Variants in SPTBN1 observed in about 807,000 individuals in gnomAD.
SPTBN1 encodes the protein spectrin beta chain, non-erythrocytic 1.
Under a neutral mutation model 266.4 loss-of-function variants are expected in SPTBN1, and 32 were observed. The ratio of observed to expected loss-of-function variants is 0.12; its 90% CI spans 0.09 to 0.16. SPTBN1 has a LOEUF of 0.16. Ranked by LOEUF, SPTBN1 falls within the 10% of genes least tolerant of loss-of-function variation. The pLI, the probability that SPTBN1 is intolerant of heterozygous loss-of-function variation, is 1.00. For missense variants in SPTBN1, 2,296 were observed against 3,067.1 expected, an observed-to-expected ratio of 0.75 and a Z score of 5.94; for synonymous variants, 1,336 against 1,162.2, an observed-to-expected ratio of 1.15 and a Z score of -3.04.
At chr2:54,659,681 A>G (rs1357147860) in intron 31 of SPTBN1, among the ~76,000 whole-genome samples, 1 of 152,164 alleles carries the variant, frequency 6.6e-6, no homozygotes, top group Non-Finnish European at 1.5e-5. Flanking sequence ...TTATTTTGCT[A>G]TGGTAAGAGT....
At chr2:54,457,254 A>C (rs1410475395) in intron 1 of SPTBN1, 1 of 143,226 alleles carries the variant, frequency 7.0e-6, no homozygotes, top group Non-Finnish European at 1.5e-5. Flanking sequence ...AGCTCCTGCC[A>C]CCCTCTCTTC....
At chr2:54,467,187 T>C (rs1479156534) in intron 1 of SPTBN1, among the ~76,000 whole-genome samples, 3 of 151,596 alleles carry the variant, frequency 2.0e-5, no homozygotes, top group East Asian at 3.9e-4. Context: ...TACATTTTTC[T>C]GGAATGTTCT....
At chr2:54,596,991 TCAC>T (rs1222516026) in intron 2 of SPTBN1, among the ~76,000 whole-genome samples, 1 of 152,238 alleles carries the variant, frequency 6.6e-6, no homozygotes, top group African/African-American at 2.4e-5. Flanking sequence ...AGTGAGAGAT[TCAC>T]CCAAAAGAGT....
Position 54,463,161 on chromosome 2 carries a change from TG to T in SPTBN1, c.-48+6645del, listed in dbSNP as rs1693454283. ...AACAAGGAGAGGAGAGATGGGAAAA[TG>T]GTTGTGAAGGCCCAATCCTATGCGA... is the stretch of plus-strand genomic sequence containing the variant. On this transcript the variant is annotated intron_variant, in intron 1 of 35. Coordinates refer to ENST00000356805, the MANE Select transcript of SPTBN1 (RefSeq NM_003128.3). Among the ~76,000 whole-genome samples the T allele has an allele frequency of 2.0e-5, 3 of 151,734 alleles. No homozygotes were observed. The South Asian group carries it at 6.2e-4, about 32-fold the overall frequency.
chr2:54,531,395 T>C (rs1426858902), intron 2 of SPTBN1, among the ~76,000 whole-genome samples: 1 of 152,150 alleles, frequency 6.6e-6, no homozygotes, highest in African/African-American at 2.4e-5. Context: ...GGAGATAGCA[T>C]CTCTAGTATA....
At chr2:54,483,109 A>G (rs1668182483) in intron 1 of SPTBN1, among the ~76,000 whole-genome samples, 1 of 152,192 alleles carries the variant, frequency 6.6e-6, no homozygotes, top group Non-Finnish European at 1.5e-5. Flanking sequence ...AAGGGAACCG[A>G]AGCCTGAGTA....
Position 54,669,483 on chromosome 2 carries a change from CTG to C in SPTBN1, c.*916_*917del, listed in dbSNP as rs1358242303. 1 of 152,618 alleles carries C rather than the reference CTG, an allele frequency of 6.6e-6. No homozygotes were observed. The highest frequency in any genetic ancestry group is 1.9e-4 in the East Asian group (1 of 5,200). 9.5% of individuals were successfully genotyped at this position (152,618 alleles called of 1,614,324 possible). A position where few individuals can be genotyped will look rare whatever the true frequency, so the allele number is the denominator to read the frequency against. On this transcript the variant is annotated 3_prime_UTR_variant, in exon 36 of 36. Coordinates refer to ENST00000356805, the MANE Select transcript of SPTBN1 (RefSeq NM_003128.3). ...ATACATAGTGTGCATTTCTCTGTCA[CTG>C]TAACTATTGTAATGACAAATTTTCA...
At position 54,590,157 on chromosome 2, in the gene SPTBN1, T is replaced by G. The variant is rs771819593; in HGVS notation, c.149-8935T>G. On this transcript the variant is annotated intron_variant, in intron 2 of 35. Coordinates refer to ENST00000356805, the MANE Select transcript of SPTBN1 (RefSeq NM_003128.3). ...AACAGAATTTGTCAAACATTTTAGT[T>G]TGGCTCTGGACCCATTTTAGTCTGA... 1.6e-3 allele frequency among the ~76,000 whole-genome samples: 237 copies of G among 152,362 alleles called. No homozygotes were observed. In the Middle Eastern group the frequency reaches 0.017, roughly 11 times the overall value.
In SPTBN1 at chr2:54,665,948, C is replaced by G; in HGVS notation, c.6693C>G (p.Asn2231Lys). The change falls in exon 34 of 36, where the codon AAC (asparagine) becomes AAG (lysine). Residue 2231 changes from asparagine to lysine, a missense_variant. Around this residue, in one of 12 missense-constraint regions of SPTBN1, gnomAD observed 347 missense variants for 368.5 expected, o/e 0.94. Transcript: ENST00000356805. Reference sequence around the variant, plus strand: ...ACAATGTTTATTGTGTCATAAATAACCAAGAAATGGGTTTCTACAAAGATG... The same window carrying G: ...ACAATGTTTATTGTGTCATAAATAAGCAAGAAATGGGTTTCTACAAAGATG... ...SWHNVYCVIN[N>K]QEMGFYKDAK... 1 of 1,613,946 alleles carries G rather than the reference C, an allele frequency of 6.2e-7. No individual in the cohort carries two copies. The highest frequency in any genetic ancestry group is 8.5e-7 in the Non-Finnish European group (1 of 1,179,966).
rs1055388946 is a variant in SPTBN1, at chr2:54,456,356, G to A, written c.-210G>A. 1.3e-5 allele frequency: 2 copies of A among 152,372 alleles called. No individual in the cohort carries two copies. Among genetic ancestry groups the A allele is most frequent in the Non-Finnish European group, 2.9e-5 (2 of 68,382 alleles). 9.4% of individuals were successfully genotyped at this position (152,372 alleles called of 1,614,324 possible). On this transcript the variant is annotated 5_prime_UTR_variant, in exon 1 of 36. Coordinates refer to ENST00000356805, the MANE Select transcript of SPTBN1 (RefSeq NM_003128.3). Reference sequence around the variant, plus strand: ...CCTCCCTCGGCCGCCTCTCCTCCCGGAGCGAGCGCGCAGCCCTGCGCAGCA... The same window carrying A: ...CCTCCCTCGGCCGCCTCTCCTCCCGAAGCGAGCGCGCAGCCCTGCGCAGCA...
chr2:54,610,703 A>G (rs1677153168), intron 3 of SPTBN1, among the ~76,000 whole-genome samples: 1 of 152,236 alleles, frequency 6.6e-6, no homozygotes, highest in Non-Finnish European at 1.5e-5. Flanking sequence ...GGCCACCACA[A>G]CTGTAGACCT....
chr2:54,558,350 T>G lies in SPTBN1; in HGVS notation c.148+31784T>G. The G allele has an allele frequency of 1.0e-6, 1 of 998,524 alleles. No individual in the cohort carries two copies. The highest frequency in any genetic ancestry group is 1.2e-6 in the Non-Finnish European group (1 of 838,400). The allele number at this position is 998,524 out of a possible 1,614,324, so 61.9% of individuals were successfully genotyped here. A position where few individuals can be genotyped will look rare whatever the true frequency, so the allele number is the denominator to read the frequency against. ...CGCCCAGCACACGGCGAGTGGCTCCTGATAAAATTACAAACCGGCGGCCGC... is the reference window on the plus strand; with the variant it reads ...CGCCCAGCACACGGCGAGTGGCTCCGGATAAAATTACAAACCGGCGGCCGC... On this transcript the variant is annotated intron_variant, in intron 2 of 35. Transcript: ENST00000356805. The surrounding 1 kb of genome is among the most constrained non-coding windows in gnomAD (Gnocchi z 4.6).
chr2:54,626,281 G>C lies in SPTBN1; in HGVS notation c.1644+47G>C, dbSNP rs1240744859. On this transcript the variant is annotated intron_variant, in intron 12 of 35. Coordinates refer to ENST00000356805, the MANE Select transcript of SPTBN1 (RefSeq NM_003128.3). This position sits in a 1 kb window ranked among gnomAD's most constrained non-coding sequence, Gnocchi z 4.7. ...GGACGACAGAGCTGATCCAACCAGG[G>C]CTCTCTTTTCTGTGACTCATTCACT... is the stretch of plus-strand genomic sequence containing the variant. 2 of 1,566,778 alleles carry C rather than the reference G, an allele frequency of 1.3e-6. No homozygotes were observed. Among genetic ancestry groups the C allele is most frequent in the Non-Finnish European group, 1.7e-6 (2 of 1,154,460 alleles).
intron 1 of SPTBN1, among the ~76,000 whole-genome samples, chr2:54,461,945 AG>A (rs1693388963): frequency 6.6e-6 from 1 of 152,026 alleles, no homozygotes; most frequent in East Asian, 1.9e-4. Context: ...AAAGTTTGTG[AG>A]GGTAATTTTC....
intron 4 of SPTBN1, among the ~76,000 whole-genome samples, chr2:54,613,168 T>C (rs1226298162): frequency 6.6e-6 from 1 of 152,318 alleles, no homozygotes; most frequent in East Asian, 1.9e-4. Flanking sequence ...ACTCATGCGT[T>C]CCAATTAAAA....
intron 1 of SPTBN1, among the ~76,000 whole-genome samples, chr2:54,522,658 A>AAGAAAG (rs1553439359): frequency 1.1e-4 from 9 of 81,810 alleles, no homozygotes; most frequent in Admixed American, 4.2e-4. Context: ...GAGAGAGAGA[A>AAGAAAG]AGAGAGAGAG....
chr2:54,650,621 G>T (rs1331687082), intron 26 of SPTBN1, among the ~76,000 whole-genome samples: 1 of 152,124 alleles, frequency 6.6e-6, no homozygotes, highest in South Asian at 2.1e-4. Flanking sequence ...TATTAAAGAT[G>T]TTATCCCTGA....
intron 1 of SPTBN1, among the ~76,000 whole-genome samples, chr2:54,496,290 TAGCC>T (rs1387405045): frequency 6.6e-6 from 1 of 151,790 alleles, no homozygotes; most frequent in Non-Finnish European, 1.5e-5. Context: ...TACAAAAAAT[TAGCC>T]AGGCATGTTG....
intron 32 of SPTBN1, 127 bp downstream of exon 32, chr2:54,660,126 C>T: frequency 6.3e-7 from 1 of 1,582,640 alleles, no homozygotes. Context: ...TTTCCAAATC[C>T]TCTGGGTTTT....
Sources: allele counts gnomAD v4.1 joint callset (sites outside exome capture counted in the v4.1 genomes callset), GRCh38; gene constraint gnomAD v4.1.1; regional missense constraint gnomAD v4.1.1; non-coding constraint Gnocchi (gnomAD v3.1); transcripts MANE v1.5; gene names NCBI Gene and HGNC (gene_info 2026-07-23, HGNC 2026-07-21).